Variants in WDR20 observed in about 807,000 individuals in gnomAD.
WDR20 encodes WD repeat domain 20, also known as WD repeat-containing protein 20.
Under a neutral mutation model 38.7 loss-of-function variants are expected in WDR20, and 3 were observed. The ratio of observed to expected loss-of-function variants is 0.08; its 90% CI spans 0.04 to 0.20. The LOEUF (loss-of-function observed/expected upper bound fraction) is 0.20, where lower values mean the gene tolerates loss of function less well. Ranked by LOEUF, WDR20 falls within the 10% of genes least tolerant of loss-of-function variation. The pLI, the probability that WDR20 is intolerant of heterozygous loss-of-function variation, is 1.00. For synonymous variants in WDR20, 298 were observed against 285.6 expected (o/e 1.04, Z -0.44); for missense variants, 559 against 727.7 (o/e 0.77, Z 2.67).
chr14:102,223,011 G>T, exon 4 of WDR20: 1 of 1,127,100 alleles, frequency 8.9e-7, no homozygotes. Context: ...CGATAGCCGT[G>T]TGGACGGTGA....
chr14:102,160,029 A>C (rs1302128166), intron 1 of WDR20, among the ~76,000 whole-genome samples: 1 of 152,094 alleles, frequency 6.6e-6, no homozygotes, highest in African/African-American at 2.4e-5. Flanking sequence ...GCTTAAGCCC[A>C]GGAATTCAAC....
At chr14:102,165,636 C>CTTTT (rs398026421) in intron 1 of WDR20, among the ~76,000 whole-genome samples, 4 of 129,362 alleles carry the variant, frequency 3.1e-5, no homozygotes, top group South Asian at 2.5e-4. Flanking sequence ...CTTTTCTTTT[C>CTTTT]TTTTTTTTTT....
chr14:102,208,773 G>A lies in WDR20; in HGVS notation c.603G>A (p.Val201=), dbSNP rs2062017600. 1 of 1,614,230 alleles carries A rather than the reference G, an allele frequency of 6.2e-7. No individual in the cohort carries two copies. The highest frequency in any genetic ancestry group is 8.5e-7 in the Non-Finnish European group (1 of 1,180,050). ...QLLKQGESFA[V]HTCKSKSTRN... ...TGAAGCAGGGAGAGAGCTTTGCCGT[G>A]CACACTTGCAAGAGCAAATCCACGA... Residue 201 remains valine, a synonymous_variant, in exon 3 of 3, where the codon GTG becomes GTA. Transcript: ENST00000342702. This position sits in a 1 kb window ranked among gnomAD's most constrained non-coding sequence, Gnocchi z 5.6.
chr14:102,197,626 T>G (rs1000231711), intron 2 of WDR20: 1 of 593,090 alleles, frequency 1.7e-6, no homozygotes, highest in African/African-American at 1.9e-5. Context: ...GAAAGATAAA[T>G]TGGAACCAGC....
chr14:102,142,999 T>C lies in WDR20; in HGVS notation c.249+2827T>C, dbSNP rs1030568008. Among the ~76,000 whole-genome samples, 24 of 152,170 alleles carry C rather than the reference T, an allele frequency of 1.6e-4. 1 individual carries two copies. The Middle Eastern group carries it at 0.014, about 86-fold the overall frequency. The stretch of plus-strand genomic sequence containing the variant: ...GGAAATGGAGTAGGTGAGGAAGTAG[T>C]CTAACGTTCATGCTGAGGAGTGCAA... On this transcript the variant is annotated intron_variant, in intron 1 of 2. Coordinates refer to ENST00000342702, the MANE Select transcript of WDR20 (RefSeq NM_144574.4).
chr14:102,196,034 G>A (rs1195055263), intron 2 of WDR20: 5 of 152,106 alleles, frequency 3.3e-5, no homozygotes, highest in African/African-American at 1.2e-4. Context: ...TCATTAACTT[G>A]GAACAAAAAC....
chr14:102,205,322 T>C (rs1482596910), intron 2 of WDR20, among the ~76,000 whole-genome samples: 1 of 151,610 alleles, frequency 6.6e-6, no homozygotes, highest in Non-Finnish European at 1.5e-5. Context: ...GTATGCTCCC[T>C]TTGGTATGAA....
At chr14:102,140,722 C>T (rs943052561) in intron 1 of WDR20, among the ~76,000 whole-genome samples, 2 of 152,212 alleles carry the variant, frequency 1.3e-5, no homozygotes, top group African/African-American at 4.8e-5. Flanking sequence ...TTCCTAGGAG[C>T]CTCTCCTGGT....
At chr14:102,170,783 A>G (rs973632462) in intron 1 of WDR20, among the ~76,000 whole-genome samples, 1 of 152,062 alleles carries the variant, frequency 6.6e-6, no homozygotes, top group Non-Finnish European at 1.5e-5. Flanking sequence ...ATGCACCACC[A>G]TGCCCAGCTT....
At chr14:102,203,464 A>G (rs931586381) in intron 2 of WDR20, among the ~76,000 whole-genome samples, 3 of 152,112 alleles carry the variant, frequency 2.0e-5, no homozygotes, top group African/African-American at 7.2e-5. Flanking sequence ...TGGGGAGTGC[A>G]AGCGTCAGGG....
At position 102,156,943 on chromosome 14, in the gene WDR20, TC is replaced by T. The variant is rs200266224; in HGVS notation, c.249+16773del. ...GAGGCGGAGGTTGAGTGAGCGGAGA[TC>T]CGCGCCGTTGCACTCCATCTTGGGT... On this transcript the variant is annotated intron_variant, in intron 1 of 2. Transcript: ENST00000342702. Among the ~76,000 whole-genome samples, 1,136 of 152,070 alleles carry T rather than the reference TC, an allele frequency of 7.5e-3. 22 individuals carry two copies. The highest frequency in any genetic ancestry group is 0.026 in the African/African-American group (1,063 of 41,454).
chr14:102,202,034 A>G (rs2060484008), intron 2 of WDR20, among the ~76,000 whole-genome samples: 2 of 151,872 alleles, frequency 1.3e-5, no homozygotes, highest in South Asian at 4.2e-4. Flanking sequence ...CTTCTGGCCC[A>G]GGGAGCAGGT....
chr14:102,163,627 C>CAA lies in WDR20; in HGVS notation c.249+23477_249+23478dup, dbSNP rs58628061. ...TGGGTGACAGAGCAAGACTCTGTCT[C>CAA]AAAAAAAAAAAAAAAAAAAAAAATT... On this transcript the variant is annotated intron_variant, in intron 1 of 2. Transcript: ENST00000342702. Among the ~76,000 whole-genome samples the CAA allele has an allele frequency of 4.7e-3, 296 of 62,798 alleles. 42 individuals carry two copies. The East Asian group carries it at 0.069, about 15-fold the overall frequency. The allele number at this position is 62,798 out of a possible 152,430, so 41.2% of individuals were successfully genotyped here.
intron 1 of WDR20, among the ~76,000 whole-genome samples, chr14:102,146,500 G>A (rs1595812211): frequency 6.6e-6 from 1 of 152,108 alleles, no homozygotes; most frequent in Non-Finnish European, 1.5e-5. Flanking sequence ...GATGAAGTTG[G>A]GGCCAGAAGA....
chr14:102,156,325 G>A (rs1276109359), intron 1 of WDR20, among the ~76,000 whole-genome samples: 2 of 151,304 alleles, frequency 1.3e-5, no homozygotes, highest in South Asian at 2.1e-4. Context: ...CCACCCCCAC[G>A]TCCAGCTCAT....
chr14:102,200,893 G>A (rs570778054), intron 2 of WDR20, among the ~76,000 whole-genome samples: 1 of 152,320 alleles, frequency 6.6e-6, no homozygotes, highest in Admixed American at 6.5e-5. Flanking sequence ...CCTGACTCCT[G>A]GGGTATGGAG....
chr14:102,224,798 G>C (rs755447053), downstream of WDR20: 1 of 456,024 alleles, frequency 2.2e-6, no homozygotes, highest in Non-Finnish European at 4.4e-6. Flanking sequence ...GAGTCTTCTA[G>C]AAAGAGAAAT....
chr14:102,141,492 T>G (rs1595728265), intron 1 of WDR20, among the ~76,000 whole-genome samples: 2 of 152,200 alleles, frequency 1.3e-5, no homozygotes, highest in African/African-American at 2.4e-5. Flanking sequence ...CTTGACCTTT[T>G]TTTTTTCCTC....
chr14:102,224,807 AT>A (rs759655933), downstream of WDR20: 1 of 456,090 alleles, frequency 2.2e-6, no homozygotes, highest in Non-Finnish European at 4.4e-6. Flanking sequence ...AGAAAGAGAA[AT>A]AATAAAAGAC....
Sources: allele counts gnomAD v4.1 joint callset (sites outside exome capture counted in the v4.1 genomes callset), GRCh38; gene constraint gnomAD v4.1.1; non-coding constraint Gnocchi (gnomAD v3.1); transcripts MANE v1.5; gene names NCBI Gene and HGNC (gene_info 2026-07-23, HGNC 2026-07-21).